The following PRDM15 variants were observed in gnomAD, a reference collection of about 807,000 sequenced individuals.
PRDM15 encodes PR domain zinc finger protein 15.
Under a neutral mutation model 128.6 loss-of-function variants are expected in PRDM15, and 64 were observed. The ratio of observed to expected loss-of-function variants is 0.50; its 90% CI spans 0.41 to 0.61. PRDM15 has a LOEUF of 0.61. PRDM15 is among the 20% of genes least tolerant of loss of function. PRDM15 has a pLI of 0.00. For synonymous variants in PRDM15, 615 were observed against 621.8 expected, an observed-to-expected ratio of 0.99 and a Z score of 0.16; for missense variants, 1,242 against 1,569.1, an observed-to-expected ratio of 0.79 and a Z score of 3.52.
chr21:41,855,764 G>A (rs2063561697), intron 4 of PRDM15, among the ~76,000 whole-genome samples: 1 of 152,202 alleles, frequency 6.6e-6, no homozygotes, highest in African/African-American at 2.4e-5. Context: ...GCCCCCAACC[G>A]TGCACCCACA....
At chr21:41,806,325 C>T (rs915018849) in intron 21 of PRDM15, among the ~76,000 whole-genome samples, 1 of 28,606 alleles carries the variant, frequency 3.5e-5, no homozygotes, top group African/African-American at 1.9e-4. Flanking sequence ...ACCATCACCA[C>T]CACCACCATC....
In PRDM15 at chr21:41,799,369, C is replaced by T. The variant is rs2061366238; in HGVS notation, c.*1871G>A. ...AATGGAGACAATATCACCCCAAGCC[C>T]GAATTCATTTGATGAGACTACTATG... On this transcript the variant is annotated 3_prime_UTR_variant, in exon 24 of 24. Coordinates refer to ENST00000398548, the MANE Select transcript of PRDM15 (RefSeq NM_001040424.3). 1 of 152,050 alleles carries T rather than the reference C, an allele frequency of 6.6e-6. No individual in the cohort carries two copies. Among genetic ancestry groups the T allele is most frequent in the Admixed American group, 6.5e-5 (1 of 15,272 alleles). 9.4% of individuals were successfully genotyped at this position (152,050 alleles called of 1,614,324 possible).
chr21:41,859,723 G>A lies in PRDM15; in HGVS notation c.38-38C>T. 1 of 1,561,158 alleles carries A rather than the reference G, an allele frequency of 6.4e-7. No homozygotes were observed. The highest frequency in any genetic ancestry group is 8.8e-7 in the Non-Finnish European group (1 of 1,135,258). Reference sequence around the variant, plus strand: ...ATCCGGGCATTAGAGCACCCAGGGAGGGAGACACCTAAAGAACACAAACCT... The same window carrying A: ...ATCCGGGCATTAGAGCACCCAGGGAAGGAGACACCTAAAGAACACAAACCT... On this transcript the variant is annotated intron_variant, in intron 2 of 23. Coordinates refer to ENST00000398548, the MANE Select transcript of PRDM15 (RefSeq NM_001040424.3). The surrounding 1 kb of genome is among the most constrained non-coding windows in gnomAD (Gnocchi z 5.3).
chr21:41,840,582 T>C (rs2063045339), intron 6 of PRDM15, among the ~76,000 whole-genome samples: 1 of 151,682 alleles, frequency 6.6e-6, no homozygotes, highest in Admixed American at 6.6e-5. Flanking sequence ...AAAAGAAGAT[T>C]CCTTGCTAAA....
chr21:41,808,822 G>A (rs1484561455), intron 21 of PRDM15, among the ~76,000 whole-genome samples: 1 of 152,196 alleles, frequency 6.6e-6, no homozygotes, highest in Non-Finnish European at 1.5e-5. Context: ...CAAACACACT[G>A]CTAAACTATC....
intron 7 of PRDM15, among the ~76,000 whole-genome samples, chr21:41,838,293 A>G (rs1319394719): frequency 6.6e-6 from 1 of 152,240 alleles, no homozygotes; most frequent in African/African-American, 2.4e-5. Flanking sequence ...TGAAGTTATA[A>G]TTTGTTATTC....
At position 41,835,556 on chromosome 21, in the gene PRDM15, G is replaced by C. The variant is rs768976415; in HGVS notation, c.1279-32C>G. The C allele has an allele frequency of 8.3e-6, 13 of 1,575,348 alleles. No individual in the cohort carries two copies. The African/African-American group carries it at 1.5e-4, about 18-fold the overall frequency. On this transcript the variant is annotated intron_variant, in intron 10 of 23. Coordinates refer to ENST00000398548, the MANE Select transcript of PRDM15 (RefSeq NM_001040424.3). ...AGAGGGACACGCCGTGAGTGAGATG[G>C]CCCAGCGCAGAGTCCACAGATGCCG...
At chr21:41,845,530 G>A (rs1028918510) in intron 6 of PRDM15, among the ~76,000 whole-genome samples, 4 of 151,790 alleles carry the variant, frequency 2.6e-5, no homozygotes, top group Non-Finnish European at 2.9e-5. Context: ...GGCAGAGGCC[G>A]GGCTGCCCGA....
At chr21:41,829,935 C>A (rs1490260071) in intron 11 of PRDM15, among the ~76,000 whole-genome samples, 2 of 151,084 alleles carry the variant, frequency 1.3e-5, no homozygotes, top group South Asian at 2.1e-4. Context: ...CCCCAAATAC[C>A]CAATCACATA....
chr21:41,824,955 A>G (rs1479858564), intron 13 of PRDM15, among the ~76,000 whole-genome samples: 2 of 152,254 alleles, frequency 1.3e-5, no homozygotes, highest in African/African-American at 4.8e-5. Flanking sequence ...CTGTGCTCCC[A>G]GCTGCTGAAA....
At chr21:41,863,331 A>AC in intron 1 of PRDM15, 1 of 151,904 alleles carries the variant, frequency 6.6e-6, no homozygotes, top group Admixed American at 6.6e-5. Flanking sequence ...CTTGCCTCCC[A>AC]CCCCCAGACC....
At chr21:41,847,951 T>G (rs1456323858) in intron 5 of PRDM15, among the ~76,000 whole-genome samples, 1 of 152,218 alleles carries the variant, frequency 6.6e-6, no homozygotes, top group Non-Finnish European at 1.5e-5. Context: ...AAAAAGTCAC[T>G]GATGCTCTTG....
In PRDM15 at chr21:41,845,506, C is replaced by T. The variant is rs182734358; in HGVS notation, c.640+1584G>A. ...CCTGGAAGGAATGCTCAGGACCCCT[C>T]CGGTAATCTGGGTGGCAGAGGCCGG... On this transcript the variant is annotated intron_variant, in intron 6 of 23. Transcript: ENST00000398548. Among the ~76,000 whole-genome samples the T allele has an allele frequency of 2.3e-3, 349 of 151,918 alleles. 3 individuals are homozygous for T. Among genetic ancestry groups the T allele is most frequent in the South Asian group, 4.4e-3 (21 of 4,812 alleles).
At chr21:41,815,550 C>T (rs1011870411) in intron 19 of PRDM15, among the ~76,000 whole-genome samples, 155 bp downstream of exon 19, 1 of 152,222 alleles carries the variant, frequency 6.6e-6, no homozygotes, top group Non-Finnish European at 1.5e-5. Context: ...TGCAGCTGCT[C>T]ACCCCGGCCC....
At chr21:41,836,311 G>T in intron 9 of PRDM15, 104 bp from the exon 10 acceptor site, 1 of 1,308,068 alleles carries the variant, frequency 7.6e-7, no homozygotes, top group Non-Finnish European at 1.1e-6. Context: ...CTCCCACCAT[G>T]CGAAGGAGCT....
In PRDM15 at chr21:41,810,086, G is replaced by T; in HGVS notation, c.2652+68C>A. 3 of 1,498,478 alleles carry T rather than the reference G, an allele frequency of 2.0e-6. No individual in the cohort carries two copies. The highest frequency in any genetic ancestry group is 2.7e-6 in the Non-Finnish European group (3 of 1,106,264). 92.8% of individuals were successfully genotyped at this position (1,498,478 alleles called of 1,614,324 possible). Reference sequence around the variant, plus strand: ...GTCTGCAGAGGGAGGTGGGCCATGTGCCAGCATGGGGGTGTCCGGTGCGCG... The same window carrying T: ...GTCTGCAGAGGGAGGTGGGCCATGTTCCAGCATGGGGGTGTCCGGTGCGCG... On this transcript the variant is annotated intron_variant, in intron 21 of 23. Coordinates refer to ENST00000398548, the MANE Select transcript of PRDM15 (RefSeq NM_001040424.3). This position sits in a 1 kb window ranked among gnomAD's most constrained non-coding sequence, Gnocchi z 6.4.
Position 41,836,221 on chromosome 21 carries a change from C to A in PRDM15, c.1184-14G>T. 6.2e-7 allele frequency: 1 copy of A among 1,609,048 alleles called. No individual in the cohort carries two copies. Among genetic ancestry groups the A allele is most frequent in the Non-Finnish European group, 8.5e-7 (1 of 1,175,602 alleles). On this transcript the variant is annotated splice_polypyrimidine_tract_variant and intron_variant, in intron 9 of 23. Coordinates refer to ENST00000398548, the MANE Select transcript of PRDM15 (RefSeq NM_001040424.3). Reference sequence around the variant, plus strand: ...ACAGCTTGTCACCTGAGGAACCAACCAACAGAGAGCTCATTCACTACTTAG... The same window carrying A: ...ACAGCTTGTCACCTGAGGAACCAACAAACAGAGAGCTCATTCACTACTTAG...
At chr21:41,834,564 C>T (rs1172085128) in intron 11 of PRDM15, 1 of 1,549,206 alleles carries the variant, frequency 6.5e-7, no homozygotes. Flanking sequence ...TGCTATGAGT[C>T]CTAGAGAGAG....
rs1446188587 is a variant in PRDM15, at chr21:41,815,719, C to T, written c.2378G>A (p.Cys793Tyr). The T allele has an allele frequency of 6.2e-7, 1 of 1,613,772 alleles. No homozygotes were observed. The highest frequency in any genetic ancestry group is 2.2e-5 in the East Asian group (1 of 44,886). ...FAQKVNMLKH[C>Y]KRHTGIKDFM... ...CTCGGACTCACCCGTGTGCCGCTTG[C>T]AGTGCTTGAGCATGTTGACCTTCTG... The change falls in exon 19 of 24, where the codon TGC becomes TAC. Residue 793 changes from cysteine (C) to tyrosine (Y), a missense_variant. Physicochemically the swap from Cys to Tyr is radical, Grantham distance 194. Around this residue, in one of 3 missense-constraint regions of PRDM15, gnomAD observed 602 missense variants for 788.3 expected, o/e 0.76. Transcript: ENST00000398548.
Sources: allele counts gnomAD v4.1 joint callset (sites outside exome capture counted in the v4.1 genomes callset), GRCh38; gene constraint gnomAD v4.1.1; regional missense constraint gnomAD v4.1.1; non-coding constraint Gnocchi (gnomAD v3.1); transcripts MANE v1.5; gene names NCBI Gene and HGNC (gene_info 2026-07-23, HGNC 2026-07-21).